Variants in ATP2B1 observed in about 807,000 individuals in gnomAD.
The protein encoded by ATP2B1 is ATPase plasma membrane Ca2+ transporting 1, also known as plasma membrane calcium-transporting ATPase 1.
ATP2B1 carries 14 observed loss-of-function variants against 124.2 expected under a neutral mutation model. That is an observed-to-expected ratio of 0.11 (90% CI 0.07 to 0.18). The LOEUF (loss-of-function observed/expected upper bound fraction) is 0.18. Ranked by LOEUF, ATP2B1 falls within the 10% of genes least tolerant of loss-of-function variation. The probability of loss-of-function intolerance (pLI) is 1.00; values close to 1 mark genes in which losing one functional copy is unlikely to be tolerated. For synonymous variants in ATP2B1, 449 were observed against 492.4 expected (o/e 0.91, Z 1.17); for missense variants, 763 against 1,466.1 (o/e 0.52, Z 7.83).
intron 6 of ATP2B1, among the ~76,000 whole-genome samples, chr12:89,629,941 T>G (rs908540973): frequency 6.6e-6 from 1 of 152,148 alleles, no homozygotes; most frequent in African/African-American, 2.4e-5. Context: ...ATAAATGGTA[T>G]GTATGATTAT....
At chr12:89,701,543 T>C (rs909901318) in intron 1 of ATP2B1, among the ~76,000 whole-genome samples, 1 of 152,250 alleles carries the variant, frequency 6.6e-6, no homozygotes, top group African/African-American at 2.4e-5. Context: ...GGGAGATTTT[T>C]AAAACCTTTT....
chr12:89,621,254 A>G (rs1879913985), intron 10 of ATP2B1, among the ~76,000 whole-genome samples: 1 of 152,100 alleles, frequency 6.6e-6, no homozygotes, highest in South Asian at 2.1e-4. Context: ...ATCTTTCTCA[A>G]AAATGAGCTT....
intron 1 of ATP2B1, among the ~76,000 whole-genome samples, chr12:89,678,253 A>G (rs1888920117): frequency 6.6e-6 from 1 of 152,056 alleles, no homozygotes; most frequent in African/African-American, 2.4e-5. Flanking sequence ...TCCATAATAG[A>G]AATCAATCCC....
At position 89,642,236 on chromosome 12, in the gene ATP2B1, T is replaced by G; in HGVS notation, c.328A>C (p.Thr110Pro). The G allele has an allele frequency of 1.9e-6, 3 of 1,613,778 alleles. No individual in the cohort carries two copies. Among genetic ancestry groups the G allele is most frequent in the Non-Finnish European group, 2.5e-6 (3 of 1,179,786 alleles). The change falls in exon 3 of 21, where the codon ACT becomes CCT. Residue 110 changes from threonine to proline, a missense_variant. Transcript: ENST00000428670. ...GCTGCAATTTCTAATATAATTAAAG[T>G]GACATCTTGTAATGCTTCCCATACT... is the stretch of plus-strand genomic sequence containing the variant. ...QLVWEALQDV[T>P]LIILEIAAIV...
At chr12:89,640,092 T>C (rs148335584) in intron 3 of ATP2B1, among the ~76,000 whole-genome samples, 3 of 152,232 alleles carry the variant, frequency 2.0e-5, no homozygotes, top group Non-Finnish European at 2.9e-5. Flanking sequence ...TTAGTGCTCA[T>C]AGACACATAG....
chr12:89,611,400 A>T, intron 12 of ATP2B1, 28 bp from the exon 13 acceptor site: 2 of 1,481,770 alleles, frequency 1.3e-6, no homozygotes, highest in Non-Finnish European at 1.8e-6. Flanking sequence ...AAAAAATTAC[A>T]AAGTTAATTT....
intron 5 of ATP2B1, 59 bp downstream of exon 5, chr12:89,634,719 G>A: frequency 2.7e-6 from 4 of 1,456,552 alleles, no homozygotes; most frequent in Non-Finnish European, 3.7e-6. Context: ...GGTGTTTGCT[G>A]ACAATGGTAC....
chr12:89,686,597 T>A (rs1565915200), intron 1 of ATP2B1, among the ~76,000 whole-genome samples: 1 of 152,086 alleles, frequency 6.6e-6, no homozygotes, highest in Non-Finnish European at 1.5e-5. Flanking sequence ...TCTTAAGAAA[T>A]ACTACTGTAA....
At chr12:89,678,560 C>T (rs553556686) in intron 1 of ATP2B1, among the ~76,000 whole-genome samples, 8 of 152,162 alleles carry the variant, frequency 5.3e-5, no homozygotes, top group South Asian at 2.1e-4. Flanking sequence ...AGATTTCACA[C>T]ACTTTCTCCA....
At chr12:89,667,169 C>T (rs565911870) in intron 1 of ATP2B1, among the ~76,000 whole-genome samples, 1 of 152,266 alleles carries the variant, frequency 6.6e-6, no homozygotes, top group South Asian at 2.1e-4. Context: ...CCACACACTA[C>T]TAAGATGGCT....
At chr12:89,647,872 G>C (rs1884709923) in intron 2 of ATP2B1, among the ~76,000 whole-genome samples, 1 of 152,072 alleles carries the variant, frequency 6.6e-6, no homozygotes, top group Non-Finnish European at 1.5e-5. Flanking sequence ...CTGGTTAAGA[G>C]TCTGGGAACT....
chr12:89,701,982 A>G (rs1450238711), intron 1 of ATP2B1, among the ~76,000 whole-genome samples: 1 of 152,230 alleles, frequency 6.6e-6, no homozygotes, highest in Non-Finnish European at 1.5e-5. Flanking sequence ...TCTCAACTCC[A>G]GGAAACACAA....
intron 1 of ATP2B1, among the ~76,000 whole-genome samples, chr12:89,700,871 G>A (rs780013725): frequency 3.9e-5 from 6 of 152,132 alleles, no homozygotes; most frequent in Non-Finnish European, 8.8e-5. Context: ...GCACCTGTAA[G>A]GTCTCAGCTG....
chr12:89,675,856 G>A (rs1264875255), intron 1 of ATP2B1, among the ~76,000 whole-genome samples: 2 of 152,026 alleles, frequency 1.3e-5, no homozygotes, highest in African/African-American at 2.4e-5. Flanking sequence ...GTTTCCTGAC[G>A]AGCCAGGAGT....
At chr12:89,660,180 C>A (rs1886531828) in intron 1 of ATP2B1, among the ~76,000 whole-genome samples, 1 of 152,082 alleles carries the variant, frequency 6.6e-6, no homozygotes, top group Non-Finnish European at 1.5e-5. Flanking sequence ...TCTTAACGCA[C>A]TGTTGGGTTC....
Position 89,616,804 on chromosome 12 carries a change from C to T in ATP2B1, c.2065G>A (p.Glu689Lys). 1 of 1,612,276 alleles carries T rather than the reference C, an allele frequency of 6.2e-7. No homozygotes were observed. ...CAGAACACAGAATGTTTCACCACCTCAGGTCTCACAGGATCTTCAATCCCC... is the reference window on the plus strand; with the variant it reads ...CAGAACACAGAATGTTTCACCACCTTAGGTCTCACAGGATCTTCAATCCCC... ...VVGIEDPVRP[E>K]VPDAIKKCQR... Residue 689 changes from glutamate (E) to lysine (K), a missense_variant and splice_region_variant, in exon 12 of 21, where the codon GAG (glutamate) becomes AAG (lysine). Physicochemically the swap from Glu to Lys is moderately conservative, Grantham distance 56. Transcript: ENST00000428670.
chr12:89,591,234 C>T lies in ATP2B1; in HGVS notation c.3413G>A (p.Arg1138Lys), dbSNP rs1873500133. 6.2e-7 allele frequency: 1 copy of T among 1,612,904 alleles called. No individual in the cohort carries two copies. The highest frequency in any genetic ancestry group is 8.5e-7 in the Non-Finnish European group (1 of 1,179,232). The change falls in exon 21 of 21, where the codon AGA becomes AAA. Residue 1138 changes from arginine (R) to lysine (K), a missense_variant. Arg to Lys is a conservative substitution (Grantham distance 26). Coordinates refer to ENST00000428670, the MANE Select transcript of ATP2B1 (RefSeq NM_001366521.1). Reference protein sequence around the residue: ...LYEGLEKPESRSSIHNFMTHP... With the variant: ...LYEGLEKPESKSSIHNFMTHP... ...TGTCATAAAGTTGTGAATCGAACTT[C>T]TTGATTCCGGTTTTTCTAACCCTTC...
intron 1 of ATP2B1, among the ~76,000 whole-genome samples, chr12:89,665,816 C>T (rs1887249723): frequency 6.6e-6 from 1 of 152,150 alleles, no homozygotes; most frequent in Non-Finnish European, 1.5e-5. Flanking sequence ...TTCACAAGAA[C>T]CTACACTTAC....
At chr12:89,680,260 G>C (rs1889169478) in intron 1 of ATP2B1, among the ~76,000 whole-genome samples, 1 of 152,050 alleles carries the variant, frequency 6.6e-6, no homozygotes. Flanking sequence ...GAAGAAAACT[G>C]TAAAGCAATA....
Sources: gnomAD v4.1 joint callset for allele counts (sites outside exome capture counted in the v4.1 genomes callset) on GRCh38, gnomAD v4.1.1 for gene constraint, MANE v1.5 for transcripts, NCBI Gene and HGNC (gene_info 2026-07-23, HGNC 2026-07-21) for gene names.